SATB2: variants seen among roughly 807,000 people sequenced by gnomAD.
SATB2 encodes SATB homeobox 2, also known as DNA-binding protein SATB2.
SATB2 carries 1 observed loss-of-function variant against 73.4 expected under a neutral mutation model. That is an observed-to-expected ratio of 0.01 (90% CI 0.00 to 0.06). The LOEUF (loss-of-function observed/expected upper bound fraction) is 0.06, where lower values mean the gene tolerates loss of function less well. Among genes scored for constraint, SATB2 ranks in the 10% least tolerant of loss-of-function variants. SATB2 has a pLI of 1.00. For missense variants in SATB2, 459 were observed against 945.8 expected (o/e 0.49, Z 6.75); for synonymous variants, 397 against 367.0 (o/e 1.08, Z -0.93).
chr2:199,447,242 G>A (rs1327108475), intron 2 of SATB2, among the ~76,000 whole-genome samples: 2 of 152,194 alleles, frequency 1.3e-5, no homozygotes, highest in Admixed American at 6.5e-5. Flanking sequence ...GCATAGCTCT[G>A]TGGAATGAGA....
chr2:199,441,135 C>A (rs1391178768), intron 2 of SATB2, among the ~76,000 whole-genome samples: 1 of 152,158 alleles, frequency 6.6e-6, no homozygotes, highest in Non-Finnish European at 1.5e-5. Flanking sequence ...GTGTGAGCCA[C>A]CTTGCCCAGC....
Position 199,457,726 on chromosome 2 carries a change from AGGCGGCGGC to A in SATB2, c.-456_-448del, listed in dbSNP as rs957473390. 2.5e-5 allele frequency: 4 copies of A among 159,012 alleles called. No individual in the cohort carries two copies. Among genetic ancestry groups the A allele is most frequent in the Non-Finnish European group, 5.5e-5 (4 of 73,162 alleles). The allele number at this position is 159,012 out of a possible 1,614,324, so 9.9% of individuals were successfully genotyped here. ...TGGAGAGAAAGGGCTGAGAACCCGGAGGCGGCGGCGGCGGCGGCGAGCCGGGGCTGCTGG... is the reference window on the plus strand; with the variant it reads ...TGGAGAGAAAGGGCTGAGAACCCGGAGGCGGCGGCGAGCCGGGGCTGCTGG... On this transcript the variant is annotated 5_prime_UTR_variant, in exon 1 of 11. Transcript: ENST00000417098. The surrounding 1 kb of genome is among the most constrained non-coding windows in gnomAD (Gnocchi z 4.8).
chr2:199,413,890 A>G (rs1047685232), intron 3 of SATB2, among the ~76,000 whole-genome samples: 5 of 152,138 alleles, frequency 3.3e-5, no homozygotes, highest in African/African-American at 1.2e-4. Flanking sequence ...ACACGAGACA[A>G]ATAAAACTCC....
chr2:199,311,926 C>T (rs1368857466), intron 9 of SATB2, among the ~76,000 whole-genome samples: 1 of 152,012 alleles, frequency 6.6e-6, no homozygotes, highest in East Asian at 1.9e-4. Flanking sequence ...CATGAACACA[C>T]ATGTATGTAA....
In SATB2 at chr2:199,456,114, G is replaced by A; in HGVS notation, c.-59-18C>T. ...ACAGGGACCTAGGGAGGGGGTGGGG[G>A]GAGGAAGGGGGAGGGAGAAAAAAGA... On this transcript the variant is annotated intron_variant, in intron 1 of 10. Transcript: ENST00000417098. 9 of 1,019,578 alleles carry A rather than the reference G, an allele frequency of 8.8e-6. No individual in the cohort carries two copies. Among genetic ancestry groups the A allele is most frequent in the South Asian group, 8.2e-5 (6 of 73,394 alleles). The allele number at this position is 1,019,578 out of a possible 1,614,324, so 63.2% of individuals were successfully genotyped here. A position where few individuals can be genotyped will look rare whatever the true frequency, so the allele number is the denominator to read the frequency against.
intron 10 of SATB2, among the ~76,000 whole-genome samples, chr2:199,297,348 T>A (rs79668315): frequency 2.5e-3 from 380 of 152,342 alleles, no homozygotes; most frequent in Non-Finnish European, 4.3e-3. Context: ...TGTATGTAAG[T>A]CCACTCCTGT....
chr2:199,416,559 G>A (rs577544872), intron 3 of SATB2, among the ~76,000 whole-genome samples: 1 of 152,204 alleles, frequency 6.6e-6, no homozygotes, highest in East Asian at 1.9e-4. Context: ...TCAAAAATCA[G>A]GAAGACAGGA....
chr2:199,426,221 G>A (rs997902137), intron 3 of SATB2, among the ~76,000 whole-genome samples: 2 of 152,144 alleles, frequency 1.3e-5, no homozygotes, highest in African/African-American at 4.8e-5. Flanking sequence ...AGAAAAGAGA[G>A]AGAGTGAAAG....
chr2:199,388,030 C>G (rs964420857), intron 3 of SATB2, among the ~76,000 whole-genome samples: 7 of 152,058 alleles, frequency 4.6e-5, no homozygotes, highest in African/African-American at 1.7e-4. Flanking sequence ...TTTTTAGTAT[C>G]ATTTGCCTCT....
At chr2:199,351,359 C>T (rs891549875) in intron 6 of SATB2, among the ~76,000 whole-genome samples, 9 of 152,114 alleles carry the variant, frequency 5.9e-5, no homozygotes, top group African/African-American at 1.7e-4. Context: ...GACGGGGTTT[C>T]GCCATGTTGG....
chr2:199,420,944 A>G (rs1356732090), intron 3 of SATB2, among the ~76,000 whole-genome samples: 1 of 152,170 alleles, frequency 6.6e-6, no homozygotes, highest in Non-Finnish European at 1.5e-5. Context: ...TTTGAGTTCT[A>G]TAAATGCTAG....
chr2:199,272,744 A>G lies in SATB2; in HGVS notation c.1741-72T>C. On this transcript the variant is annotated intron_variant, in intron 10 of 10. Coordinates refer to ENST00000417098, the MANE Select transcript of SATB2 (RefSeq NM_001172509.2). This position sits in a 1 kb window ranked among gnomAD's most constrained non-coding sequence, Gnocchi z 6.7. ...CCTTTCCAAAACCATCAGCCCTCTG[A>G]AATATGTGTTATCTATCTAGCACTG... 2.2e-6 allele frequency: 3 copies of G among 1,362,550 alleles called. No individual in the cohort carries two copies. In the South Asian group the frequency reaches 3.5e-5, roughly 16 times the overall value. 84.4% of individuals were successfully genotyped at this position (1,362,550 alleles called of 1,614,324 possible). A position where few individuals can be genotyped will look rare whatever the true frequency, so the allele number is the denominator to read the frequency against.
chr2:199,408,563 G>A (rs1261575451), intron 3 of SATB2, among the ~76,000 whole-genome samples: 1 of 150,568 alleles, frequency 6.6e-6, no homozygotes, highest in Non-Finnish European at 1.5e-5. Flanking sequence ...AAGTAATTGC[G>A]ATTTTTGCCA....
chr2:199,410,791 C>T (rs7577003), intron 3 of SATB2, among the ~76,000 whole-genome samples: 91,315 of 152,088 alleles, frequency 0.6, 31,182 homozygotes, highest in Non-Finnish European at 0.76. Flanking sequence ...AGTGTTAAAA[C>T]CTATGATGAA....
intron 2 of SATB2, among the ~76,000 whole-genome samples, chr2:199,454,824 A>C (rs927448247): frequency 2.0e-5 from 3 of 152,226 alleles, no homozygotes; most frequent in Non-Finnish European, 4.4e-5. Flanking sequence ...AATACACACA[A>C]TAGACACTTA....
chr2:199,425,916 T>C (rs1691312442), intron 3 of SATB2, among the ~76,000 whole-genome samples: 2 of 152,182 alleles, frequency 1.3e-5, no homozygotes, highest in Admixed American at 1.3e-4. Flanking sequence ...TAATTTTATA[T>C]AGCAGAGGAG....
intron 7 of SATB2, among the ~76,000 whole-genome samples, chr2:199,338,940 AG>A (rs1401226345): frequency 2.6e-5 from 4 of 151,780 alleles, no homozygotes; most frequent in Non-Finnish European, 5.9e-5. Flanking sequence ...AAAAAAAGAA[AG>A]AAAGAACAAG....
At chr2:199,456,792 G>C (rs977779001) in intron 1 of SATB2, among the ~76,000 whole-genome samples, 3 of 152,198 alleles carry the variant, frequency 2.0e-5, no homozygotes, top group Admixed American at 6.5e-5. Context: ...CTGATCCCCA[G>C]TGCTTTTTTA....
intron 10 of SATB2, among the ~76,000 whole-genome samples, chr2:199,307,846 C>A (rs1574491227): frequency 6.6e-6 from 1 of 152,204 alleles, no homozygotes; most frequent in Admixed American, 6.5e-5. Flanking sequence ...GTGCCTCACT[C>A]TCCCTTTATA....
Sources: gnomAD v4.1 joint callset for allele counts (sites outside exome capture counted in the v4.1 genomes callset) on GRCh38, gnomAD v4.1.1 for gene constraint, Gnocchi (gnomAD v3.1) non-coding constraint, MANE v1.5 for transcripts, NCBI Gene and HGNC (gene_info 2026-07-23, HGNC 2026-07-21) for gene names.